TF: variants seen among roughly 807,000 people sequenced by gnomAD.
The protein encoded by TF is serotransferrin.
Under a neutral mutation model 82.4 loss-of-function variants are expected in TF, and 55 were observed. That is an observed-to-expected ratio of 0.67 (90% CI 0.54 to 0.84). TF has a LOEUF of 0.84. Among genes scored for constraint, TF ranks in the 40% least tolerant of loss-of-function variants. TF has a pLI of 0.00. For synonymous variants in TF, 332 were observed against 332.6 expected (o/e 1.00, Z 0.02); for missense variants, 737 against 868.4 (o/e 0.85, Z 1.90).
chr3:133,670,356 TTTTA>T, the TF span, among the ~76,000 whole-genome samples: 1 of 152,184 alleles, frequency 6.6e-6, no homozygotes, highest in Non-Finnish European at 1.5e-5. Context: ...TGCCGTGAAG[TTTTA>T]AAACTGTTTT....
At position 133,768,157 on chromosome 3, in the gene TF, G is replaced by T. The variant is rs369813809; in HGVS notation, c.1615G>T (p.Ala539Ser). Reference protein sequence around the residue: ...NKEGYYGYTGAFRCLVEKGDV... With the variant: ...NKEGYYGYTGSFRCLVEKGDV... ...AGAGGGATACTACGGCTACACAGGC[G>T]CTTTCAGGTGAGTCTTTTAACCCTG... The change falls in exon 13 of 17, where the codon GCT (alanine) becomes TCT (serine). Residue 539 changes from alanine to serine, a missense_variant. Ala to Ser is a moderately conservative substitution (Grantham distance 99). Coordinates refer to ENST00000402696, the MANE Select transcript of TF (RefSeq NM_001063.4). 1 of 1,614,176 alleles carries T rather than the reference G, an allele frequency of 6.2e-7. No homozygotes were observed. The highest frequency in any genetic ancestry group is 2.2e-5 in the East Asian group (1 of 44,890).
chr3:133,748,943 T>C (rs1933587845), intron 2 of TF, among the ~76,000 whole-genome samples: 1 of 152,060 alleles, frequency 6.6e-6, no homozygotes, highest in Non-Finnish European at 1.5e-5. Flanking sequence ...GTGGATCACC[T>C]GAGGTCAGGA....
At chr3:133,725,731 T>A in the TF span, among the ~76,000 whole-genome samples, 19 of 152,120 alleles carry the variant, frequency 1.2e-4, no homozygotes, top group African/African-American at 4.1e-4. Context: ...CCCTGTCTTG[T>A]GCCAGTTTTC....
At chr3:133,748,646 T>G (rs1180194403) in intron 2 of TF, 62 bp downstream of exon 2, 4 of 1,586,536 alleles carry the variant, frequency 2.5e-6, no homozygotes, top group Non-Finnish European at 3.4e-6. Flanking sequence ...TTCCAGTCAC[T>G]TTGGAACAAT....
upstream of TF, among the ~76,000 whole-genome samples, chr3:133,742,314 C>T (rs1933407645): frequency 6.6e-6 from 1 of 152,142 alleles, no homozygotes; most frequent in East Asian, 1.9e-4. Flanking sequence ...GAATTCATTC[C>T]ACCTGGCCCT....
chr3:133,699,113 A>G, the TF span, among the ~76,000 whole-genome samples: 1 of 152,236 alleles, frequency 6.6e-6, no homozygotes, highest in African/African-American at 2.4e-5. Context: ...ATTAAATGCA[A>G]CAGAGCCTGG....
chr3:133,681,869 G>A, the TF span, among the ~76,000 whole-genome samples: 4 of 152,184 alleles, frequency 2.6e-5, no homozygotes, highest in South Asian at 2.1e-4. Flanking sequence ...TCCCAGCATG[G>A]AGTTTGAGAT....
rs1479482744 is a variant in TF at position 133,786,232 on chromosome 3, A to AAAC, written c.*7614_*7615insCAA. On this transcript the variant is annotated 3_prime_UTR_variant, in exon 17 of 17. Coordinates refer to ENST00000402696, the MANE Select transcript of TF (RefSeq NM_001063.4). ...AATAAAAAAATAAATTAAAAAAAAA[A>AAAC]AAAAAAAACAATACTATTTTTTGAA... 6 of 77,140 alleles carry AAAC rather than the reference A, an allele frequency of 7.8e-5. 2 individuals carry two copies. The highest frequency in any genetic ancestry group is 2.1e-4 in the African/African-American group (6 of 28,770). 4.8% of individuals were successfully genotyped at this position (77,140 alleles called of 1,614,324 possible). A position where few individuals can be genotyped will look rare whatever the true frequency, so the allele number is the denominator to read the frequency against.
chr3:133,764,215 G>A lies in TF; in HGVS notation c.1237G>A (p.Gly413Arg), dbSNP rs1448926235. ...AGCTGATGCCATGAGCTTGGATGGA[G>A]GGTTTGTCTACATAGCGGGCAAGTG... The part of the protein sequence containing the change: ...GEADAMSLDG[G>R]FVYIAGKCGL... The change falls in exon 10 of 17, where the codon GGG (glycine) becomes AGG (arginine). Residue 413 changes from glycine (G) to arginine (R), a missense_variant. Physicochemically the swap from Gly to Arg is moderately radical, Grantham distance 125. Coordinates refer to ENST00000402696, the MANE Select transcript of TF (RefSeq NM_001063.4). 49 of 1,613,988 alleles carry A rather than the reference G, an allele frequency of 3.0e-5. No individual in the cohort carries two copies. The highest frequency in any genetic ancestry group is 4.2e-5 in the Non-Finnish European group (49 of 1,179,888).
At chr3:133,715,663 T>C in the TF span, among the ~76,000 whole-genome samples, 1 of 152,214 alleles carries the variant, frequency 6.6e-6, no homozygotes, top group East Asian at 1.9e-4. Flanking sequence ...TTTCTCCCCT[T>C]TAAATCTCCC....
At chr3:133,723,743 G>A in the TF span, among the ~76,000 whole-genome samples, 2 of 150,482 alleles carry the variant, frequency 1.3e-5, no homozygotes, top group East Asian at 3.9e-4. Flanking sequence ...TGCCATGCTG[G>A]TGTGCTGCAC....
chr3:133,746,590 C>A (rs1933507741), intron 1 of TF, 107 bp downstream of exon 1: 1 of 1,329,338 alleles, frequency 7.5e-7, no homozygotes, highest in Non-Finnish European at 1.0e-6. Context: ...AGGCTGGAAG[C>A]CTGGGTGTCT....
chr3:133,716,447 G>T, the TF span, among the ~76,000 whole-genome samples: 4 of 152,110 alleles, frequency 2.6e-5, no homozygotes, highest in African/African-American at 7.2e-5. Context: ...ATACCTTGCT[G>T]CTTTCTGTGC....
Position 133,781,811 on chromosome 3 carries a change from G to T in TF, c.*3191G>T, listed in dbSNP as rs975058404. ...CACAAAAGCAAAAATAAATAAATGG[G>T]ACTACATCAAGCTGAAAAGCTTCTG... On this transcript the variant is annotated 3_prime_UTR_variant, in exon 17 of 17. Coordinates refer to ENST00000402696, the MANE Select transcript of TF (RefSeq NM_001063.4). The T allele has an allele frequency of 2.6e-5, 4 of 152,030 alleles. No individual in the cohort carries two copies. The allele number at this position is 152,030 out of a possible 1,614,324, so 9.4% of individuals were successfully genotyped here.
intron 15 of TF, among the ~76,000 whole-genome samples, chr3:133,775,996 T>G (rs568149505): frequency 6.6e-6 from 1 of 152,316 alleles, no homozygotes; most frequent in African/African-American, 2.4e-5. Context: ...AGCTGTGTAA[T>G]TATGGAACTA....
the TF span, among the ~76,000 whole-genome samples, chr3:133,719,838 T>C: frequency 2.0e-5 from 3 of 152,250 alleles, 1 homozygote; most frequent in South Asian, 6.2e-4. Context: ...CTTGATTAAG[T>C]TTATTCCTAG....
chr3:133,668,019 G>C, the TF span, among the ~76,000 whole-genome samples: 1 of 152,314 alleles, frequency 6.6e-6, no homozygotes. Flanking sequence ...ATTCTTCTCT[G>C]TTGCTATCTA....
intron 2 of TF, among the ~76,000 whole-genome samples, chr3:133,750,982 G>A: frequency 6.6e-6 from 1 of 152,092 alleles, no homozygotes; most frequent in East Asian, 1.9e-4. Flanking sequence ...AGGTCTAGTT[G>A]TTGTGGAACA....
the TF span, among the ~76,000 whole-genome samples, chr3:133,736,631 C>CAAAAAAGAAAAAAAAAAAA: frequency 1.5e-3 from 50 of 32,558 alleles, 3 homozygotes; most frequent in East Asian, 6.2e-3. Context: ...AATGGAAAGC[C>CAAAAAAGAAAAAAAAAAAA]AAAAAAAAAA....
Sources: allele counts gnomAD v4.1 joint callset (sites outside exome capture counted in the v4.1 genomes callset), GRCh38; gene constraint gnomAD v4.1.1; transcripts MANE v1.5; gene names NCBI Gene and HGNC (gene_info 2026-07-23, HGNC 2026-07-21).